The following IQCJ variants were observed in gnomAD, a reference collection of about 807,000 sequenced individuals.
IQCJ encodes the protein IQ domain-containing protein J.
In IQCJ, 9 loss-of-function variants were observed where a neutral mutation model predicts 11.0. The ratio of observed to expected loss-of-function variants is 0.82; its 90% CI spans 0.49 to 1.43. The LOEUF is 1.43. Among genes scored for constraint, IQCJ ranks in the 40% most tolerant of loss-of-function variants. The pLI is 0.00. For missense variants in IQCJ, 146 were observed against 133.2 expected (o/e 1.10, Z -0.47); for synonymous variants, 55 against 51.3 (o/e 1.07, Z -0.31).
At chr3:159,207,726 G>A (rs1179406621) in intron 1 of IQCJ, among the ~76,000 whole-genome samples, 1 of 152,168 alleles carries the variant, frequency 6.6e-6, no homozygotes, top group Admixed American at 6.5e-5. Context: ...CTAGAAAGTT[G>A]TTTTAAGAAG....
At chr3:159,182,641 G>C (rs937968573) in intron 1 of IQCJ, among the ~76,000 whole-genome samples, 1 of 151,924 alleles carries the variant, frequency 6.6e-6, no homozygotes, top group Non-Finnish European at 1.5e-5. Context: ...GAGCAAGCAG[G>C]GGGTACGTGA....
intron 1 of IQCJ, among the ~76,000 whole-genome samples, chr3:159,238,629 A>G (rs1285012517): frequency 6.6e-6 from 1 of 152,182 alleles, no homozygotes; most frequent in African/African-American, 2.4e-5. Context: ...AATAAGGATC[A>G]CCAGAGGTTG....
intron 1 of IQCJ, among the ~76,000 whole-genome samples, chr3:159,135,219 A>C (rs1451713548): frequency 6.6e-6 from 1 of 152,060 alleles, no homozygotes; most frequent in East Asian, 1.9e-4. Context: ...CTTGGTATCT[A>C]CCTCTGTCCT....
intron 1 of IQCJ, among the ~76,000 whole-genome samples, chr3:159,089,271 G>A (rs564761399): frequency 4.0e-4 from 61 of 152,256 alleles, no homozygotes; most frequent in African/African-American, 1.3e-3. Flanking sequence ...GGCTTGTAGC[G>A]TTTCTGCCGA....
chr3:159,133,327 T>C (rs1720103608), intron 1 of IQCJ, among the ~76,000 whole-genome samples: 1 of 152,222 alleles, frequency 6.6e-6, no homozygotes, highest in Non-Finnish European at 1.5e-5. Flanking sequence ...TCATTCCTTG[T>C]TCAATTTAGT....
At chr3:159,264,049 A>T (rs1037014011), downstream of IQCJ, among the ~76,000 whole-genome samples, 4 of 152,238 alleles carry the variant, frequency 2.6e-5, no homozygotes, top group South Asian at 4.1e-4. Context: ...GTAAATGCCA[A>T]TAGAAAGTGC....
Position 159,263,633 on chromosome 3 carries a change from T to G in IQCJ, c.*902T>G. 2 of 985,324 alleles carry G rather than the reference T, an allele frequency of 2.0e-6. No individual in the cohort carries two copies. Among genetic ancestry groups the G allele is most frequent in the Non-Finnish European group, 2.4e-6 (2 of 829,828 alleles). The allele number at this position is 985,324 out of a possible 1,614,324, so 61.0% of individuals were successfully genotyped here. A position where few individuals can be genotyped will look rare whatever the true frequency, so the allele number is the denominator to read the frequency against. On this transcript the variant is annotated 3_prime_UTR_variant, in exon 4 of 4. Transcript: ENST00000397832. ...CTTTTACTTTTGGTTATCATGTTTATTCTGTGGTAAAAAGGTTTCCCAACA... is the reference window on the plus strand; with the variant it reads ...CTTTTACTTTTGGTTATCATGTTTAGTCTGTGGTAAAAAGGTTTCCCAACA...
chr3:159,141,909 A>G (rs1395111457), intron 1 of IQCJ, among the ~76,000 whole-genome samples: 1 of 152,202 alleles, frequency 6.6e-6, no homozygotes, highest in Non-Finnish European at 1.5e-5. Flanking sequence ...CCATTGCCCA[A>G]TGATTACTGT....
At chr3:159,153,160 C>T (rs533607959) in intron 1 of IQCJ, among the ~76,000 whole-genome samples, 6 of 152,092 alleles carry the variant, frequency 3.9e-5, no homozygotes, top group South Asian at 2.1e-4. Flanking sequence ...GGCATACTGA[C>T]GGAATTATAA....
intron 1 of IQCJ, among the ~76,000 whole-genome samples, chr3:159,184,137 C>T (rs916871794): frequency 2.6e-5 from 4 of 151,898 alleles, no homozygotes; most frequent in East Asian, 1.9e-4. Flanking sequence ...GATTCACCCC[C>T]GCTCACCTCT....
chr3:159,118,119 T>A (rs6763890), intron 1 of IQCJ, among the ~76,000 whole-genome samples: 42,863 of 152,166 alleles, frequency 0.28, 7,170 homozygotes, highest in Non-Finnish European at 0.39. Flanking sequence ...ACCTTCTATG[T>A]CTTTAGTTTC....
intron 1 of IQCJ, among the ~76,000 whole-genome samples, chr3:159,091,522 A>G (rs952255057): frequency 3.3e-5 from 5 of 151,688 alleles, no homozygotes; most frequent in Admixed American, 1.3e-4. Flanking sequence ...TGCACTTTCT[A>G]ATATCATCAC....
chr3:159,231,342 T>C (rs1440864454), intron 1 of IQCJ, among the ~76,000 whole-genome samples: 10 of 152,306 alleles, frequency 6.6e-5, no homozygotes, highest in East Asian at 5.8e-4. Flanking sequence ...TCAGTGAAAA[T>C]ACAGTTTAGG....
At chr3:159,207,973 A>G (rs1435174229) in intron 1 of IQCJ, among the ~76,000 whole-genome samples, 1 of 152,202 alleles carries the variant, frequency 6.6e-6, no homozygotes, top group South Asian at 2.1e-4. Flanking sequence ...AATTAGGGCT[A>G]TGGTGCAGAG....
At position 159,201,623 on chromosome 3, in the gene IQCJ, G is replaced by T. The variant is rs1353097586; in HGVS notation, c.10-44220G>T. Among the ~76,000 whole-genome samples, 69 of 103,962 alleles carry T rather than the reference G, an allele frequency of 6.6e-4. 2 individuals are homozygous for T. The South Asian group carries it at 0.013, about 20-fold the overall frequency. The allele number at this position is 103,962 out of a possible 152,430, so 68.2% of individuals were successfully genotyped here. A position where few individuals can be genotyped will look rare whatever the true frequency, so the allele number is the denominator to read the frequency against. On this transcript the variant is annotated intron_variant, in intron 1 of 3. Coordinates refer to ENST00000397832, the MANE Select transcript of IQCJ (RefSeq NM_001042706.3). ...CAATAGAAACAAAACTGTTGATAAT[G>T]ATTCTTTTTTTTTTTTTTTTTTTTT...
At chr3:159,112,643 A>G (rs1318666121) in intron 1 of IQCJ, among the ~76,000 whole-genome samples, 2 of 152,122 alleles carry the variant, frequency 1.3e-5, no homozygotes, top group African/African-American at 2.4e-5. Flanking sequence ...CTGCAGTGTG[A>G]CAGACCTGGA....
chr3:159,256,387 G>T (rs1277223637), intron 3 of IQCJ, among the ~76,000 whole-genome samples: 1 of 152,180 alleles, frequency 6.6e-6, no homozygotes, highest in Non-Finnish European at 1.5e-5. Context: ...GAGAGACAGA[G>T]AGAGATAGCA....
chr3:159,175,462 C>T (rs1396216378), intron 1 of IQCJ, among the ~76,000 whole-genome samples: 2 of 152,122 alleles, frequency 1.3e-5, no homozygotes, highest in East Asian at 3.9e-4. Context: ...CAGAGCAAGA[C>T]CCTGTCTCAA....
chr3:159,234,623 GTC>G (rs1359510136), intron 1 of IQCJ, among the ~76,000 whole-genome samples: 2 of 152,222 alleles, frequency 1.3e-5, no homozygotes, highest in Non-Finnish European at 2.9e-5. Flanking sequence ...GTATAACCCT[GTC>G]TCTACAATAA....
Sources: allele counts gnomAD v4.1 joint callset (sites outside exome capture counted in the v4.1 genomes callset), GRCh38; gene constraint gnomAD v4.1.1; transcripts MANE v1.5; gene names NCBI Gene and HGNC (gene_info 2026-07-23, HGNC 2026-07-21).